Variants in PDE1A observed in about 807,000 individuals in gnomAD.
PDE1A encodes the protein phosphodiesterase 1A.
Under a neutral mutation model 61.7 loss-of-function variants are expected in PDE1A, and 35 were observed. That is an observed-to-expected ratio of 0.57 (90% CI 0.43 to 0.75). The LOEUF (loss-of-function observed/expected upper bound fraction) is 0.75. Among genes scored for constraint, PDE1A ranks in the 30% least tolerant of loss-of-function variants. PDE1A has a pLI of 0.00. For missense variants in PDE1A, 597 were observed against 630.6 expected, an observed-to-expected ratio of 0.95 and a Z score of 0.57; for synonymous variants, 232 against 213.2, an observed-to-expected ratio of 1.09 and a Z score of -0.77.
At chr2:182,346,658 G>A (rs1698539101) in intron 1 of PDE1A, among the ~76,000 whole-genome samples, 1 of 152,058 alleles carries the variant, frequency 6.6e-6, no homozygotes, top group African/African-American at 2.4e-5. Flanking sequence ...CTCCCTGGAG[G>A]GAAAAATTGC....
At chr2:182,549,317 T>C in the PDE1A span, among the ~76,000 whole-genome samples, 1 of 152,106 alleles carries the variant, frequency 6.6e-6, no homozygotes, top group Non-Finnish European at 1.5e-5. Flanking sequence ...AATTTAGATT[T>C]TGTCTCTTTC....
intron 1 of PDE1A, among the ~76,000 whole-genome samples, chr2:182,359,614 AT>A (rs898725332): frequency 3.6e-4 from 55 of 152,080 alleles, no homozygotes; most frequent in African/African-American, 1.2e-3. Flanking sequence ...TTAATGAAGT[AT>A]TTTTTTGTTT....
the PDE1A span, among the ~76,000 whole-genome samples, chr2:182,595,037 C>T: frequency 2.3e-4 from 35 of 152,136 alleles, no homozygotes; most frequent in South Asian, 5.2e-3. Context: ...ATAAAATAAG[C>T]CCTGTGGTAA....
At chr2:182,195,232 C>T (rs542836919) in intron 10 of PDE1A, among the ~76,000 whole-genome samples, 2 of 152,156 alleles carry the variant, frequency 1.3e-5, no homozygotes, top group South Asian at 2.1e-4. Flanking sequence ...TACTTTGCCT[C>T]GGAAAGTATA....
At chr2:182,308,588 T>C (rs1464164263) in intron 1 of PDE1A, among the ~76,000 whole-genome samples, 1 of 152,058 alleles carries the variant, frequency 6.6e-6, no homozygotes, top group Non-Finnish European at 1.5e-5. Context: ...TAAAATGATC[T>C]AGAAATTAGT....
chr2:182,697,225 C>T, the PDE1A span, among the ~76,000 whole-genome samples: 47 of 152,198 alleles, frequency 3.1e-4, no homozygotes, highest in South Asian at 5.6e-3. Context: ...GAGCACTCAA[C>T]GGCACAATGG....
the PDE1A span, among the ~76,000 whole-genome samples, chr2:182,663,712 A>C: frequency 1.3e-5 from 2 of 152,150 alleles, no homozygotes; most frequent in African/African-American, 4.8e-5. Context: ...CAGGAAAAAT[A>C]ACTAATGAGT....
chr2:182,650,066 G>C, the PDE1A span, among the ~76,000 whole-genome samples: 1 of 152,018 alleles, frequency 6.6e-6, no homozygotes, highest in Admixed American at 6.6e-5. Context: ...CAGCCTAGGT[G>C]ATAGAGCGAG....
At chr2:182,574,163 G>A in the PDE1A span, among the ~76,000 whole-genome samples, 3 of 151,844 alleles carry the variant, frequency 2.0e-5, no homozygotes, top group Non-Finnish European at 4.4e-5. Context: ...AGGCTGGGAG[G>A]CTAGGCCAGT....
At chr2:182,699,860 AGAC>A in the PDE1A span, among the ~76,000 whole-genome samples, 21 of 152,348 alleles carry the variant, frequency 1.4e-4, no homozygotes, top group Non-Finnish European at 2.8e-4. Context: ...ACAAAGAAGA[AGAC>A]AAGAGGTCAA....
the PDE1A span, among the ~76,000 whole-genome samples, chr2:182,711,880 G>C: frequency 1.3e-5 from 2 of 152,164 alleles, no homozygotes; most frequent in African/African-American, 2.4e-5. Context: ...GAATAAATTG[G>C]AAGTTTGATG....
intron 1 of PDE1A, among the ~76,000 whole-genome samples, chr2:182,354,803 A>T (rs1457371091): frequency 1.3e-5 from 2 of 152,162 alleles, no homozygotes; most frequent in East Asian, 1.9e-4. Context: ...GACCATTTTT[A>T]AAAGAACGCT....
intron 1 of PDE1A, among the ~76,000 whole-genome samples, chr2:182,336,426 T>G (rs1574386235): frequency 6.6e-6 from 1 of 152,296 alleles, no homozygotes; most frequent in South Asian, 2.1e-4. Flanking sequence ...CAACATGGAA[T>G]ACTATGCAGC....
chr2:182,273,378 C>A (rs1044730284), intron 1 of PDE1A, among the ~76,000 whole-genome samples: 1 of 151,776 alleles, frequency 6.6e-6, no homozygotes, highest in Non-Finnish European at 1.5e-5. Context: ...AGGTATGAAG[C>A]ATCCAAAGTT....
chr2:182,154,463 T>G (rs998325509), intron 13 of PDE1A, among the ~76,000 whole-genome samples: 6 of 152,164 alleles, frequency 3.9e-5, no homozygotes, highest in Admixed American at 1.3e-4. Flanking sequence ...CCCACCCATA[T>G]CTCACCTTGA....
At chr2:182,687,868 A>T in the PDE1A span, among the ~76,000 whole-genome samples, 1 of 152,338 alleles carries the variant, frequency 6.6e-6, no homozygotes, top group East Asian at 1.9e-4. Context: ...TGGCACAAGA[A>T]CTATGCGATG....
intron 2 of PDE1A, among the ~76,000 whole-genome samples, chr2:182,444,161 C>T (rs911679511): frequency 6.6e-6 from 1 of 152,120 alleles, no homozygotes; most frequent in African/African-American, 2.4e-5. Context: ...ACTTTCAGTT[C>T]ACCTAAATCA....
intron 6 of PDE1A, among the ~76,000 whole-genome samples, chr2:182,228,579 T>C (rs887396472): frequency 4.6e-5 from 7 of 152,202 alleles, no homozygotes; most frequent in Non-Finnish European, 7.3e-5. Flanking sequence ...TGAAATTTAA[T>C]AGTCACCTAT....
chr2:182,569,487 T>C, the PDE1A span, among the ~76,000 whole-genome samples: 8 of 152,114 alleles, frequency 5.3e-5, no homozygotes, highest in South Asian at 8.3e-4. Context: ...AAGACGCTCA[T>C]TGAGCTCCTT....
Sources: allele counts gnomAD v4.1 joint callset (sites outside exome capture counted in the v4.1 genomes callset), GRCh38; gene constraint gnomAD v4.1.1; transcripts MANE v1.5; gene names NCBI Gene and HGNC (gene_info 2026-07-23, HGNC 2026-07-21).